Variants in MTUS2 observed in about 807,000 individuals in gnomAD.
MTUS2 encodes microtubule-associated tumor suppressor candidate 2.
MTUS2 carries 40 observed loss-of-function variants against 114.1 expected under a neutral mutation model. That is an observed-to-expected ratio of 0.35 (90% CI 0.27 to 0.46). The LOEUF (loss-of-function observed/expected upper bound fraction) is 0.46. Ranked by LOEUF, MTUS2 falls within the 20% of genes least tolerant of loss-of-function variation. The probability of loss-of-function intolerance (pLI) is 1.00; values close to 1 mark genes in which losing one functional copy is unlikely to be tolerated. For synonymous variants in MTUS2, 688 were observed against 672.0 expected (o/e 1.02, Z -0.37); for missense variants, 1,679 against 1,705.4 (o/e 0.98, Z 0.27).
intron 4 of MTUS2, 82 bp from the exon 5 acceptor site, chr13:29,100,691 G>C (rs1349490346): frequency 2.1e-6 from 3 of 1,435,714 alleles, no homozygotes; most frequent in Non-Finnish European, 1.9e-6. Context: ...GATAGAACTG[G>C]GTTCGAATTC....
intron 5 of MTUS2, among the ~76,000 whole-genome samples, chr13:29,253,079 C>CTTT (rs34996681): frequency 3.2e-4 from 47 of 145,098 alleles, no homozygotes; most frequent in African/African-American, 1.1e-3. Flanking sequence ...CATTTTTGGC[C>CTTT]TTTTTTTTTT....
chr13:28,960,043 A>G (rs1883251619), intron 2 of MTUS2, among the ~76,000 whole-genome samples: 1 of 152,264 alleles, frequency 6.6e-6, no homozygotes, highest in South Asian at 2.1e-4. Context: ...AAGACAATCA[A>G]TAGATACCGA....
At chr13:29,203,544 A>G (rs895985925) in intron 5 of MTUS2, among the ~76,000 whole-genome samples, 5 of 141,764 alleles carry the variant, frequency 3.5e-5, no homozygotes, top group African/African-American at 5.5e-5. Flanking sequence ...TGATGTTCCA[A>G]TTACCACTGG....
At chr13:28,829,896 A>C (rs1418253261) in intron 1 of MTUS2, among the ~76,000 whole-genome samples, 1 of 152,220 alleles carries the variant, frequency 6.6e-6, no homozygotes, top group African/African-American at 2.4e-5. Context: ...GGAAATACTT[A>C]ATAAGGCCTT....
At chr13:28,928,980 T>C (rs1456050837) in intron 2 of MTUS2, among the ~76,000 whole-genome samples, 1 of 152,222 alleles carries the variant, frequency 6.6e-6, no homozygotes, top group African/African-American at 2.4e-5. Flanking sequence ...TGGAATATTA[T>C]TGAGTTACAG....
intron 1 of MTUS2, among the ~76,000 whole-genome samples, chr13:28,830,310 A>G (rs1874578866): frequency 6.6e-6 from 1 of 152,224 alleles, no homozygotes; most frequent in Admixed American, 6.5e-5. Flanking sequence ...TCCCTGAGAA[A>G]GTCCAGATAC....
At chr13:29,185,419 A>G (rs1265504254) in intron 5 of MTUS2, among the ~76,000 whole-genome samples, 2 of 152,198 alleles carry the variant, frequency 1.3e-5, no homozygotes, top group Admixed American at 6.5e-5. Context: ...TAATCTACAC[A>G]TTGTTGAAGA....
intron 6 of MTUS2, chr13:29,307,409 G>T: frequency 8.8e-7 from 1 of 1,133,774 alleles, no homozygotes. Context: ...CCTGCCCCTA[G>T]TGACGCTGCC....
intron 2 of MTUS2, among the ~76,000 whole-genome samples, chr13:28,897,532 G>T (rs1258871359): frequency 2.6e-5 from 4 of 152,100 alleles, no homozygotes; most frequent in Admixed American, 1.3e-4. Flanking sequence ...ATTTGACCCA[G>T]CCATCCCATT....
chr13:29,425,795 G>A lies in MTUS2; in HGVS notation c.3118-14188G>A, dbSNP rs1259815680. ...CCAACATAGGAAGGACTGGACTACG[G>A]AAGTGCCGTGCCCTTCAGTGCCCTC... On this transcript the variant is annotated intron_variant, in intron 8 of 15. Coordinates refer to ENST00000612955, the MANE Select transcript of MTUS2 (RefSeq NM_001033602.4). Among the ~76,000 whole-genome samples the A allele has an allele frequency of 2.0e-5, 3 of 152,198 alleles. No individual in the cohort carries two copies. In the East Asian group the frequency reaches 5.8e-4, roughly 29 times the overall value.
chr13:28,937,315 A>G (rs1881955896), intron 2 of MTUS2, among the ~76,000 whole-genome samples: 1 of 151,084 alleles, frequency 6.6e-6, no homozygotes, highest in African/African-American at 2.4e-5. Flanking sequence ...AAAATGGACC[A>G]ACTAGCACAC....
At chr13:29,130,866 C>T (rs963722461) in intron 5 of MTUS2, among the ~76,000 whole-genome samples, 3 of 152,128 alleles carry the variant, frequency 2.0e-5, no homozygotes, top group Admixed American at 2.0e-4. Context: ...CCGCGTGATC[C>T]GCCTGCCTCA....
intron 6 of MTUS2, among the ~76,000 whole-genome samples, chr13:29,286,850 C>A (rs1019247788): frequency 1.3e-5 from 2 of 152,082 alleles, no homozygotes; most frequent in South Asian, 4.2e-4. Flanking sequence ...ACCACCACAC[C>A]GGGCTAATTT....
At chr13:28,895,498 C>A (rs1438008503) in intron 2 of MTUS2, among the ~76,000 whole-genome samples, 2 of 152,170 alleles carry the variant, frequency 1.3e-5, no homozygotes, top group Non-Finnish European at 2.9e-5. Context: ...TAGAGAGTTA[C>A]ATTCATTCTT....
At chr13:28,830,436 T>C (rs574342327) in intron 1 of MTUS2, among the ~76,000 whole-genome samples, 3 of 151,908 alleles carry the variant, frequency 2.0e-5, no homozygotes, top group East Asian at 3.9e-4. Context: ...ATAGAGAATA[T>C]CAATAAAGGG....
chr13:29,032,382 A>G (rs1886868266), intron 3 of MTUS2, among the ~76,000 whole-genome samples: 3 of 152,186 alleles, frequency 2.0e-5, no homozygotes, highest in Admixed American at 2.0e-4. Flanking sequence ...AACCTGACAG[A>G]TGTAGTTTGG....
intron 4 of MTUS2, among the ~76,000 whole-genome samples, chr13:29,034,561 A>G (rs1481359193): frequency 6.6e-6 from 1 of 152,224 alleles, no homozygotes; most frequent in African/African-American, 2.4e-5. Context: ...GCTGCAAGAG[A>G]GAAAGCCATG....
intron 6 of MTUS2, among the ~76,000 whole-genome samples, chr13:29,297,724 A>G (rs1353956813): frequency 6.6e-6 from 1 of 152,208 alleles, no homozygotes; most frequent in Non-Finnish European, 1.5e-5. Flanking sequence ...GATGCAGGCG[A>G]AGAGCTAATG....
At chr13:28,894,534 C>T (rs80257804) in intron 2 of MTUS2, among the ~76,000 whole-genome samples, 18 of 152,286 alleles carry the variant, frequency 1.2e-4, no homozygotes, top group Admixed American at 6.5e-4. Flanking sequence ...TTTGAGCCAG[C>T]CAGTCTGTCC....
Sources: gnomAD v4.1 joint callset for allele counts (sites outside exome capture counted in the v4.1 genomes callset) on GRCh38, gnomAD v4.1.1 for gene constraint, MANE v1.5 for transcripts, NCBI Gene and HGNC (gene_info 2026-07-23, HGNC 2026-07-21) for gene names.